Variants in FHAD1 observed in about 807,000 individuals in gnomAD.
FHAD1 encodes the protein forkhead associated phosphopeptide binding domain 1, also known as forkhead-associated domain-containing protein 1.
FHAD1 carries 146 observed loss-of-function variants against 191.3 expected under a neutral mutation model. The ratio of observed to expected loss-of-function variants is 0.76; its 90% CI spans 0.67 to 0.88. The LOEUF (loss-of-function observed/expected upper bound fraction) is 0.88, where lower values mean the gene tolerates loss of function less well. Ranked by LOEUF, FHAD1 falls within the 40% of genes least tolerant of loss-of-function variation. FHAD1 has a pLI of 0.00. For synonymous variants in FHAD1, 616 were observed against 672.3 expected (o/e 0.92, Z 1.29); for missense variants, 1,635 against 1,785.8 (o/e 0.92, Z 1.52).
chr1:15,341,257 G>C (rs1049378076), intron 15 of FHAD1, among the ~76,000 whole-genome samples: 6 of 152,182 alleles, frequency 3.9e-5, no homozygotes, highest in Non-Finnish European at 8.8e-5. Context: ...CCTGTGGGCT[G>C]TAGTTTGTCA....
At position 15,289,563 on chromosome 1, in the gene FHAD1, C is replaced by A. The variant is rs1297131143; in HGVS notation, c.465C>A (p.Pro155=). 19 of 1,551,674 alleles carry A rather than the reference C, an allele frequency of 1.2e-5. No homozygotes were observed. In the South Asian group the frequency reaches 2.1e-4, roughly 17 times the overall value. The stretch of plus-strand genomic sequence containing the variant: ...GCTGGTCCCAGGCCTTTCCCAGACC[C>A]ACCGTGGTCCTGCCGGCCTCCCACA... ...QRSWSQAFPR[P]TVVLPASHRR... Residue 155 remains proline, a synonymous_variant, in exon 4 of 34, where the codon CCC becomes CCA. Transcript: ENST00000688493. This position sits in a 1 kb window ranked among gnomAD's most constrained non-coding sequence, Gnocchi z 4.2.
chr1:15,330,322 T>G (rs1328839077), intron 14 of FHAD1, among the ~76,000 whole-genome samples: 1 of 152,194 alleles, frequency 6.6e-6, no homozygotes, highest in African/African-American at 2.4e-5. Context: ...ATCACTTTCT[T>G]TCAACAAATA....
chr1:15,307,944 A>G (rs1352673788), intron 6 of FHAD1, among the ~76,000 whole-genome samples: 1 of 152,090 alleles, frequency 6.6e-6, no homozygotes, highest in East Asian at 1.9e-4. Flanking sequence ...GTTAGCCAAG[A>G]TGGTCTTGAT....
At chr1:15,333,028 A>G (rs1421697766) in intron 14 of FHAD1, among the ~76,000 whole-genome samples, 1 of 152,186 alleles carries the variant, frequency 6.6e-6, no homozygotes, top group African/African-American at 2.4e-5. Context: ...CATTGGGGAA[A>G]CGGTGGTCTG....
At chr1:15,369,228 T>C (rs1334745099) in intron 25 of FHAD1, 142 bp from the exon 26 acceptor site, 16 of 1,076,166 alleles carry the variant, frequency 1.5e-5, no homozygotes, top group Non-Finnish European at 4.0e-6. Flanking sequence ...CTGAATTCTC[T>C]AGAAATATGG....
In FHAD1 at chr1:15,312,943, C is replaced by A; in HGVS notation, c.1040-114C>A. The A allele has an allele frequency of 7.5e-7, 1 of 1,330,572 alleles. No individual in the cohort carries two copies. Among genetic ancestry groups the A allele is most frequent in the African/African-American group, 1.5e-5 (1 of 67,990 alleles). 82.4% of individuals were successfully genotyped at this position (1,330,572 alleles called of 1,614,324 possible). A position where few individuals can be genotyped will look rare whatever the true frequency, so the allele number is the denominator to read the frequency against. On this transcript the variant is annotated intron_variant, in intron 7 of 33. Coordinates refer to ENST00000688493, the MANE Select transcript of FHAD1 (RefSeq NM_001391957.1). The surrounding 1 kb of genome is among the most constrained non-coding windows in gnomAD (Gnocchi z 4.7). ...TCAACCCCATTCAAGCTCCTGGGAT[C>A]CTTGGAGACACCTCCCTTCTCAGTG...
At chr1:15,393,575 C>CCCTG (rs1157873814) in intron 33 of FHAD1, among the ~76,000 whole-genome samples, 1 of 151,450 alleles carries the variant, frequency 6.6e-6, no homozygotes, top group Non-Finnish European at 1.5e-5. Context: ...ACATAAAGAT[C>CCCTG]CCTGCCTGCC....
intron 2 of FHAD1, 64 bp from the exon 3 acceptor site, chr1:15,272,259 A>C: frequency 1.4e-6 from 2 of 1,472,134 alleles, no homozygotes; most frequent in South Asian, 1.2e-5. Context: ...CACTCAGCTC[A>C]AAACATTAGG....
chr1:15,282,497 A>G (rs372716458), intron 3 of FHAD1, among the ~76,000 whole-genome samples: 1 of 152,196 alleles, frequency 6.6e-6, no homozygotes, highest in Admixed American at 6.5e-5. Flanking sequence ...AATGTTTCCA[A>G]CCGGAATACT....
chr1:15,353,802 C>T (rs1330617444), intron 20 of FHAD1, among the ~76,000 whole-genome samples: 1 of 151,570 alleles, frequency 6.6e-6, no homozygotes, highest in Admixed American at 6.6e-5. Flanking sequence ...TCAGTTTTCC[C>T]AGCAGAGTTT....
rs576506387 is a variant in FHAD1, at chr1:15,316,441, G to A, written c.1234G>A (p.Glu412Lys). 9.0e-6 allele frequency: 14 copies of A among 1,551,674 alleles called. No homozygotes were observed. In the South Asian group the frequency reaches 1.4e-4, roughly 16 times the overall value. Reference protein sequence around the residue: ...DAHRELREAQEKELKLCKTQI... With the variant: ...DAHRELREAQKKELKLCKTQI... ...TCACAGGGAGCTCAGGGAAGCCCAG[G>A]AGAAAGAGTTAAAACTCTGCAAAAC... Residue 412 changes from glutamate (E) to lysine (K), a missense_variant, in exon 9 of 34, where the codon GAG (glutamate) becomes AAG (lysine). Physicochemically the swap from Glu to Lys is moderately conservative, Grantham distance 56. Coordinates refer to ENST00000688493, the MANE Select transcript of FHAD1 (RefSeq NM_001391957.1). This position sits in a 1 kb window ranked among gnomAD's most constrained non-coding sequence, Gnocchi z 4.3.
chr1:15,356,161 C>T (rs550423084), intron 20 of FHAD1, among the ~76,000 whole-genome samples: 12 of 152,312 alleles, frequency 7.9e-5, no homozygotes, highest in East Asian at 7.7e-4. Flanking sequence ...ATTTACTATA[C>T]GATGTGTCAA....
chr1:15,328,713 C>T (rs991718246), intron 13 of FHAD1: 4 of 284,340 alleles, frequency 1.4e-5, no homozygotes, highest in Non-Finnish European at 1.9e-5. Flanking sequence ...GTTTTCATAG[C>T]CCCTATGTTA....
At chr1:15,337,767 A>T (rs1274014257) in intron 14 of FHAD1, among the ~76,000 whole-genome samples, 2 of 145,236 alleles carry the variant, frequency 1.4e-5, no homozygotes, top group African/African-American at 5.0e-5. Flanking sequence ...ATTTTTCTTT[A>T]AAAAAAAAAA....
At chr1:15,291,127 T>C (rs1177445880) in intron 4 of FHAD1, among the ~76,000 whole-genome samples, 4 of 139,282 alleles carry the variant, frequency 2.9e-5, no homozygotes, top group East Asian at 2.0e-4. Flanking sequence ...TTTTTTTTTT[T>C]CTTGAGACAG....
At chr1:15,379,944 G>T (rs1700526673) in intron 28 of FHAD1, among the ~76,000 whole-genome samples, 1 of 152,192 alleles carries the variant, frequency 6.6e-6, no homozygotes, top group Non-Finnish European at 1.5e-5. Flanking sequence ...CACAGACACA[G>T]TAACAATCTG....
intron 6 of FHAD1, chr1:15,305,794 T>C (rs1415884227): frequency 2.2e-6 from 1 of 446,946 alleles, no homozygotes; most frequent in Non-Finnish European, 4.5e-6. Context: ...ACCATGATTC[T>C]GAGGCCTCCC....
intron 18 of FHAD1, among the ~76,000 whole-genome samples, chr1:15,348,737 G>A (rs941716297): frequency 2.0e-5 from 3 of 152,066 alleles, no homozygotes; most frequent in Admixed American, 6.5e-5. Flanking sequence ...CTTTATTCAG[G>A]CTCAGTGCTT....
chr1:15,302,325 A>G (rs1312039672), intron 6 of FHAD1, among the ~76,000 whole-genome samples: 1 of 152,256 alleles, frequency 6.6e-6, no homozygotes, highest in Admixed American at 6.5e-5. Context: ...GTTCACTTAT[A>G]GGGAATTTCA....
Sources: allele counts gnomAD v4.1 joint callset (sites outside exome capture counted in the v4.1 genomes callset), GRCh38; gene constraint gnomAD v4.1.1; non-coding constraint Gnocchi (gnomAD v3.1); transcripts MANE v1.5; gene names NCBI Gene and HGNC (gene_info 2026-07-23, HGNC 2026-07-21).